The following KCTD16 variants were observed in gnomAD, a reference collection of about 807,000 sequenced individuals.
KCTD16 encodes potassium channel tetramerization domain containing 16, also known as BTB/POZ domain-containing protein KCTD16.
Under a neutral mutation model 33.2 loss-of-function variants are expected in KCTD16, and 13 were observed. That is an observed-to-expected ratio of 0.39 (90% CI 0.25 to 0.62). KCTD16 has a LOEUF of 0.62. Among genes scored for constraint, KCTD16 ranks in the 20% least tolerant of loss-of-function variants. The pLI, the probability that KCTD16 is intolerant of heterozygous loss-of-function variation, is 0.50. For missense variants in KCTD16, 441 were observed against 525.1 expected, an observed-to-expected ratio of 0.84 and a Z score of 1.57; for synonymous variants, 197 against 195.3, an observed-to-expected ratio of 1.01 and a Z score of -0.07.
intron 3 of KCTD16, among the ~76,000 whole-genome samples, chr5:144,398,045 G>A (rs773365073): frequency 2.6e-5 from 4 of 152,182 alleles, no homozygotes; most frequent in Non-Finnish European, 5.9e-5. Context: ...CTGGCTTGAT[G>A]AACAAGTAGT....
intron 3 of KCTD16, among the ~76,000 whole-genome samples, chr5:144,388,441 C>T (rs1752380138): frequency 6.6e-6 from 1 of 152,042 alleles, no homozygotes; most frequent in South Asian, 2.1e-4. Flanking sequence ...CCAATCTTTA[C>T]GTTTTCCTTT....
intron 3 of KCTD16, among the ~76,000 whole-genome samples, chr5:144,293,807 G>T (rs534468440): frequency 1.3e-5 from 2 of 152,168 alleles, no homozygotes; most frequent in East Asian, 3.8e-4. Flanking sequence ...AATGTTGAAT[G>T]CTTTTTAGAA....
chr5:144,238,462 G>T lies in KCTD16; in HGVS notation c.832+30916G>T, dbSNP rs1054612119. ...GTTTGGTAACTTTACGTCAAAGCCT[G>T]TCACTTTTATACTTTTCCTTGGTGG... On this transcript the variant is annotated intron_variant, in intron 3 of 3. Coordinates refer to ENST00000512467, the MANE Select transcript of KCTD16 (RefSeq NM_020768.4). Among the ~76,000 whole-genome samples, 4 of 152,208 alleles carry T rather than the reference G, an allele frequency of 2.6e-5. No homozygotes were observed. In the East Asian group the frequency reaches 7.7e-4, roughly 29 times the overall value.
chr5:144,427,707 T>C (rs1252464199), intron 3 of KCTD16, among the ~76,000 whole-genome samples: 1 of 152,064 alleles, frequency 6.6e-6, no homozygotes, highest in Non-Finnish European at 1.5e-5. Context: ...CTGGGTGCCT[T>C]CCAGGTGATT....
At chr5:144,235,040 T>C (rs1754211253) in intron 3 of KCTD16, among the ~76,000 whole-genome samples, 1 of 152,082 alleles carries the variant, frequency 6.6e-6, no homozygotes, top group Admixed American at 6.6e-5. Flanking sequence ...TCCCAGGAAA[T>C]ACACACACTA....
chr5:144,242,867 G>T (rs1252625131), intron 3 of KCTD16, among the ~76,000 whole-genome samples: 29 of 152,144 alleles, frequency 1.9e-4, no homozygotes, highest in Non-Finnish European at 1.5e-5. Context: ...CTAACCCCAT[G>T]ACCTAAGACC....
chr5:144,438,838 T>C (rs1753636548), intron 3 of KCTD16, among the ~76,000 whole-genome samples: 1 of 152,174 alleles, frequency 6.6e-6, no homozygotes, highest in South Asian at 2.1e-4. Flanking sequence ...AGAGAAAGGA[T>C]GTACTTATCC....
At chr5:144,213,211 ATTTG>A (rs1753452164) in intron 3 of KCTD16, among the ~76,000 whole-genome samples, 1 of 151,756 alleles carries the variant, frequency 6.6e-6, no homozygotes, top group African/African-American at 2.4e-5. Context: ...ATTATATTAT[ATTTG>A]TTTGCTAATT....
At chr5:144,345,953 T>A (rs756342119) in intron 3 of KCTD16, among the ~76,000 whole-genome samples, 8 of 134,500 alleles carry the variant, frequency 5.9e-5, no homozygotes, top group Non-Finnish European at 1.1e-4. Context: ...TTATTCATTC[T>A]ATTTTTTTTT....
At chr5:144,395,685 G>A (rs1378535034) in intron 3 of KCTD16, among the ~76,000 whole-genome samples, 3 of 152,118 alleles carry the variant, frequency 2.0e-5, no homozygotes, top group South Asian at 4.1e-4. Context: ...GTCCTCCCAG[G>A]TAGTCGTTTT....
At chr5:144,340,941 T>C (rs1195723027) in intron 3 of KCTD16, among the ~76,000 whole-genome samples, 1 of 151,730 alleles carries the variant, frequency 6.6e-6, no homozygotes, top group East Asian at 1.9e-4. Context: ...TCCCAGCTAC[T>C]AGGTGAGGCA....
intron 3 of KCTD16, among the ~76,000 whole-genome samples, chr5:144,241,061 A>G (rs764691768): frequency 2.0e-5 from 3 of 152,056 alleles, no homozygotes; most frequent in Non-Finnish European, 4.4e-5. Context: ...AGCTACTACA[A>G]TGTAGAACAG....
chr5:144,291,520 A>T (rs973636203), intron 3 of KCTD16, among the ~76,000 whole-genome samples: 3 of 152,204 alleles, frequency 2.0e-5, no homozygotes, highest in African/African-American at 7.2e-5. Flanking sequence ...TGCACCCTTT[A>T]AAGACAGGCT....
chr5:144,186,032 C>T (rs1438732075), intron 2 of KCTD16, among the ~76,000 whole-genome samples: 3 of 152,252 alleles, frequency 2.0e-5, no homozygotes, highest in East Asian at 3.9e-4. Context: ...AAGATTTGAA[C>T]TCCAAGTGAG....
chr5:144,254,952 T>G (rs1198919224), intron 3 of KCTD16, among the ~76,000 whole-genome samples: 1 of 151,978 alleles, frequency 6.6e-6, no homozygotes, highest in Non-Finnish European at 1.5e-5. Flanking sequence ...TTTGTAGGGA[T>G]GGGGGTCTCA....
At chr5:144,395,969 A>C (rs537706690) in intron 3 of KCTD16, among the ~76,000 whole-genome samples, 1 of 152,304 alleles carries the variant, frequency 6.6e-6, no homozygotes, top group South Asian at 2.1e-4. Flanking sequence ...TGTATAGTCT[A>C]TGGTTACTTT....
At chr5:144,370,126 C>T (rs554303522) in intron 3 of KCTD16, among the ~76,000 whole-genome samples, 1 of 152,152 alleles carries the variant, frequency 6.6e-6, no homozygotes, top group South Asian at 2.1e-4. Context: ...CTTCTCAGTT[C>T]ATCAGATCGT....
At chr5:144,264,771 C>G (rs1376778152) in intron 3 of KCTD16, among the ~76,000 whole-genome samples, 1 of 152,070 alleles carries the variant, frequency 6.6e-6, no homozygotes. Context: ...GACCCTGTCT[C>G]AAACAAACAA....
At chr5:144,470,433 G>A (rs2127000172) in intron 3 of KCTD16, among the ~76,000 whole-genome samples, 1 of 152,282 alleles carries the variant, frequency 6.6e-6, no homozygotes, top group Middle Eastern at 3.4e-3. Context: ...AACCCTTCAT[G>A]TAGGACTACA....
Sources: allele counts gnomAD v4.1 joint callset (sites outside exome capture counted in the v4.1 genomes callset), GRCh38; gene constraint gnomAD v4.1.1; transcripts MANE v1.5; gene names NCBI Gene and HGNC (gene_info 2026-07-23, HGNC 2026-07-21).